PPARGC1A: variants seen among roughly 807,000 people sequenced by gnomAD.
PPARGC1A encodes the protein PPARG coactivator 1 alpha.
Under a neutral mutation model 88.7 loss-of-function variants are expected in PPARGC1A, and 25 were observed. The observed-to-expected ratio is 0.28, with a 90% CI of 0.21 to 0.39. The LOEUF (loss-of-function observed/expected upper bound fraction) is 0.39. PPARGC1A is among the 10% of genes least tolerant of loss of function. The probability of loss-of-function intolerance (pLI) is 1.00; values close to 1 mark genes in which losing one functional copy is unlikely to be tolerated. For synonymous variants in PPARGC1A, 363 were observed against 355.6 expected, an observed-to-expected ratio of 1.02 and a Z score of -0.24; for missense variants, 880 against 968.7, an observed-to-expected ratio of 0.91 and a Z score of 1.22.
intron 2 of PPARGC1A, among the ~76,000 whole-genome samples, chr4:23,833,312 T>C (rs1057279304): frequency 1.3e-5 from 2 of 152,246 alleles, no homozygotes; most frequent in Admixed American, 1.3e-4. Flanking sequence ...AAATAATTCA[T>C]TGATCTGCAT....
the PPARGC1A span, among the ~76,000 whole-genome samples, chr4:24,143,828 C>A: frequency 6.6e-6 from 1 of 152,254 alleles, no homozygotes; most frequent in African/African-American, 2.4e-5. Context: ...AAACCAGGAT[C>A]TCAGAACCGC....
the PPARGC1A span, among the ~76,000 whole-genome samples, chr4:24,291,786 A>G: frequency 1.3e-5 from 2 of 152,226 alleles, no homozygotes; most frequent in African/African-American, 4.8e-5. Flanking sequence ...GAAAAAGAGC[A>G]AGAAGAAAAC....
At chr4:24,208,262 GAC>G in the PPARGC1A span, among the ~76,000 whole-genome samples, 1 of 152,022 alleles carries the variant, frequency 6.6e-6, no homozygotes, top group South Asian at 2.1e-4. Flanking sequence ...CAGCCTGGGT[GAC>G]AGAGACCCTG....
chr4:24,387,868 GGAAGAA>G, the PPARGC1A span, among the ~76,000 whole-genome samples: 609 of 80,134 alleles, frequency 7.6e-3, 30 homozygotes, highest in African/African-American at 0.015. Flanking sequence ...AAGAGAGAAA[GGAAGAA>G]AGAGAAAGAA....
chr4:24,303,368 A>G, the PPARGC1A span, among the ~76,000 whole-genome samples: 52 of 152,326 alleles, frequency 3.4e-4, no homozygotes, highest in African/African-American at 1.2e-3. Context: ...CATTAGCAGC[A>G]TGGGAGAGAA....
the PPARGC1A span, among the ~76,000 whole-genome samples, chr4:24,356,665 A>G: frequency 6.6e-6 from 1 of 152,210 alleles, no homozygotes; most frequent in Admixed American, 6.5e-5. Context: ...TTTGGAAGGC[A>G]CAGTCTCCTT....
chr4:24,003,820 A>ATT, the PPARGC1A span, among the ~76,000 whole-genome samples: 64,203 of 146,702 alleles, frequency 0.44, 14,470 homozygotes, highest in East Asian at 0.57. Context: ...GATCAGATTG[A>ATT]TTTTTTTTTT....
the PPARGC1A span, among the ~76,000 whole-genome samples, chr4:24,353,913 A>G: frequency 6.6e-6 from 1 of 152,230 alleles, no homozygotes; most frequent in Non-Finnish European, 1.5e-5. Context: ...GGGAAACTGC[A>G]ATGCATTGGT....
At chr4:23,884,147 G>A (rs1294168542) in intron 2 of PPARGC1A, 1 of 152,150 alleles carries the variant, frequency 6.6e-6, no homozygotes, top group East Asian at 1.9e-4. Context: ...CTTATAATAA[G>A]AGTCCGGAGT....
chr4:24,008,347 T>C, the PPARGC1A span, among the ~76,000 whole-genome samples: 1 of 152,126 alleles, frequency 6.6e-6, no homozygotes, highest in Non-Finnish European at 1.5e-5. Context: ...CCTTAGGAGC[T>C]TTTTTTCCCC....
intron 1 of PPARGC1A, chr4:23,888,993 G>T (rs570727519): frequency 2.0e-6 from 2 of 985,218 alleles, no homozygotes; most frequent in African/African-American, 3.5e-5. Flanking sequence ...CTTTCCTTCC[G>T]AGAGCATTCC....
the PPARGC1A span, among the ~76,000 whole-genome samples, chr4:24,415,509 G>A: frequency 1.3e-5 from 2 of 152,116 alleles, no homozygotes; most frequent in East Asian, 3.9e-4. Flanking sequence ...TTCTAGAGGG[G>A]ATGGGGCAGA....
the PPARGC1A span, among the ~76,000 whole-genome samples, chr4:24,304,729 T>C: frequency 6.6e-6 from 1 of 152,122 alleles, no homozygotes; most frequent in African/African-American, 2.4e-5. Context: ...TATTAAAAAG[T>C]ATACCAAAAC....
the PPARGC1A span, among the ~76,000 whole-genome samples, chr4:24,064,514 C>T: frequency 1.3e-5 from 2 of 152,010 alleles, no homozygotes; most frequent in Admixed American, 6.6e-5. Flanking sequence ...AGGGCAGGAG[C>T]CTGGGTTGGG....
the PPARGC1A span, among the ~76,000 whole-genome samples, chr4:24,050,959 G>A: frequency 6.6e-6 from 1 of 152,006 alleles, no homozygotes; most frequent in African/African-American, 2.4e-5. Context: ...AGGCCAAGGT[G>A]GGCAGATCAT....
chr4:23,992,957 G>C, the PPARGC1A span, among the ~76,000 whole-genome samples: 2 of 152,070 alleles, frequency 1.3e-5, no homozygotes, highest in African/African-American at 4.8e-5. Context: ...CTTTTAATCA[G>C]ATGTTCTTGG....
intron 1 of PPARGC1A, chr4:23,889,168 C>T (rs1717411111): frequency 1.0e-6 from 1 of 985,222 alleles, no homozygotes; most frequent in African/African-American, 1.7e-5. Context: ...CGAGCAGCTC[C>T]ACACACAGTC....
At chr4:23,931,943 G>C in the PPARGC1A span, among the ~76,000 whole-genome samples, 1 of 152,146 alleles carries the variant, frequency 6.6e-6, no homozygotes, top group Non-Finnish European at 1.5e-5. Context: ...GTACAAAATG[G>C]GGATAATGAT....
At chr4:24,410,391 G>A in the PPARGC1A span, among the ~76,000 whole-genome samples, 1 of 152,096 alleles carries the variant, frequency 6.6e-6, no homozygotes, top group South Asian at 2.1e-4. Context: ...TTTTGCGTGT[G>A]TTCATCTTTT....
Sources: gnomAD v4.1 joint callset for allele counts (sites outside exome capture counted in the v4.1 genomes callset) on GRCh38, gnomAD v4.1.1 for gene constraint, MANE v1.5 for transcripts, NCBI Gene and HGNC (gene_info 2026-07-23, HGNC 2026-07-21) for gene names.